The following UGP2 variants were observed in gnomAD, a reference collection of about 807,000 sequenced individuals.
The protein encoded by UGP2 is UDP-glucose pyrophosphorylase 2.
A neutral mutation model predicts 49.0 loss-of-function variants in UGP2; 40 were observed. That is an observed-to-expected ratio of 0.82 (90% CI 0.63 to 1.06). The LOEUF is 1.06. Ranked by LOEUF, UGP2 falls within the 50% of genes least tolerant of loss-of-function variation. UGP2 has a pLI of 0.00. For missense variants in UGP2, 460 were observed against 603.5 expected, an observed-to-expected ratio of 0.76 and a Z score of 2.49; for synonymous variants, 225 against 213.0, an observed-to-expected ratio of 1.06 and a Z score of -0.49.
intron 2 of UGP2, chr2:63,857,530 T>G: frequency 2.2e-6 from 1 of 455,450 alleles, no homozygotes; most frequent in Non-Finnish European, 4.4e-6. Flanking sequence ...ATCTGGCTAA[T>G]TTTTGTATTT....
intron 3 of UGP2, among the ~76,000 whole-genome samples, chr2:63,861,913 A>G (rs1669878728): frequency 6.6e-6 from 1 of 152,128 alleles, no homozygotes; most frequent in Admixed American, 6.5e-5. Flanking sequence ...TACAAAAAAC[A>G]TTAAAAGCTA....
chr2:63,852,347 C>CT (rs1669098766), intron 1 of UGP2, among the ~76,000 whole-genome samples: 1 of 152,196 alleles, frequency 6.6e-6, no homozygotes, highest in South Asian at 2.1e-4. Flanking sequence ...ACCCAGGAAT[C>CT]TGTGTTTTAA....
chr2:63,882,676 T>G, intron 4 of UGP2, 25 bp downstream of exon 4: 1 of 1,477,132 alleles, frequency 6.8e-7, no homozygotes, highest in Non-Finnish European at 9.1e-7. Flanking sequence ...GCCTTTCTCA[T>G]GAGATACTAA....
intron 1 of UGP2, among the ~76,000 whole-genome samples, chr2:63,848,450 G>A (rs1668820181): frequency 2.0e-5 from 3 of 152,084 alleles, no homozygotes; most frequent in South Asian, 2.1e-4. Flanking sequence ...CACAACCTCC[G>A]CCTCCCAGGT....
chr2:63,855,092 G>A (rs1277068142), intron 1 of UGP2, among the ~76,000 whole-genome samples: 1 of 152,182 alleles, frequency 6.6e-6, no homozygotes, highest in African/African-American at 2.4e-5. Context: ...TTCTCATTTA[G>A]ACAAATCTCA....
chr2:63,873,481 G>T (rs1260970649), intron 3 of UGP2, among the ~76,000 whole-genome samples: 1 of 152,002 alleles, frequency 6.6e-6, no homozygotes, highest in African/African-American at 2.4e-5. Context: ...CAAACATTTT[G>T]TTTTTTTGGG....
At position 63,856,879 on chromosome 2, in the gene UGP2, A is replaced by G. The variant is rs1172990738; in HGVS notation, c.147+446A>G. On this transcript the variant is annotated intron_variant, in intron 2 of 9. Coordinates refer to ENST00000337130, the MANE Select transcript of UGP2 (RefSeq NM_006759.4). ...CATTTACTTTTTTACTTGTAAATCA[A>G]TAGGTTAGTATTTTCATTTTTATAT... 3.6e-5 allele frequency: 16 copies of G among 445,260 alleles called. No individual in the cohort carries two copies. The East Asian group carries it at 7.7e-4, about 21-fold the overall frequency. 27.6% of individuals were successfully genotyped at this position (445,260 alleles called of 1,614,324 possible).
intron 3 of UGP2, among the ~76,000 whole-genome samples, chr2:63,875,641 C>T (rs535226080): frequency 6.6e-6 from 1 of 152,270 alleles, no homozygotes; most frequent in Admixed American, 6.5e-5. Context: ...CAGTAGATTG[C>T]CAATTAACTT....
At chr2:63,849,808 G>A (rs1448404967) in intron 1 of UGP2, among the ~76,000 whole-genome samples, 1 of 152,184 alleles carries the variant, frequency 6.6e-6, no homozygotes, top group African/African-American at 2.4e-5. Flanking sequence ...AGGCAAGTCA[G>A]CATCTCTGGG....
At position 63,886,352 on chromosome 2, in the gene UGP2, C is replaced by T. The variant is rs756006730; in HGVS notation, c.885C>T (p.Leu295=). The part of the protein sequence containing the change: ...KTRADVKGGT[L]TQYEGKLRLV... ...TTCTGCCTTTCTAGGGCGGGACACT[C>T]ACTCAATATGAAGGCAAACTGAGAC... is the stretch of plus-strand genomic sequence containing the variant. The change falls in exon 7 of 10, where the codon CTC becomes CTT. Residue 295 remains leucine (L), a synonymous_variant. Coordinates refer to ENST00000337130, the MANE Select transcript of UGP2 (RefSeq NM_006759.4). 14 of 1,614,126 alleles carry T rather than the reference C, an allele frequency of 8.7e-6. No individual in the cohort carries two copies. In the South Asian group the frequency reaches 1.4e-4, roughly 16 times the overall value.
chr2:63,875,648 A>G (rs1332488183), intron 3 of UGP2, among the ~76,000 whole-genome samples: 5 of 152,210 alleles, frequency 3.3e-5, no homozygotes, highest in Non-Finnish European at 7.3e-5. Flanking sequence ...TTGCCAATTA[A>G]CTTTCTTTCA....
In UGP2 at chr2:63,891,553, T is replaced by C. The variant is rs190960584; in HGVS notation, c.*326T>C. On this transcript the variant is annotated 3_prime_UTR_variant, in exon 10 of 10. Coordinates refer to ENST00000337130, the MANE Select transcript of UGP2 (RefSeq NM_006759.4). Reference sequence around the variant, plus strand: ...GCTTGTGATTTCAAAAATAAAGCAGTGAAGCAATACTTGTGTACACTGGTA... The same window carrying C: ...GCTTGTGATTTCAAAAATAAAGCAGCGAAGCAATACTTGTGTACACTGGTA... The C allele has an allele frequency of 2.1e-5, 4 of 190,194 alleles. No individual in the cohort carries two copies. The highest frequency in any genetic ancestry group is 1.2e-4 in the Admixed American group (2 of 16,852). 11.8% of individuals were successfully genotyped at this position (190,194 alleles called of 1,614,324 possible).
intron 8 of UGP2, chr2:63,889,642 TAAC>T (rs2104371712): frequency 6.5e-6 from 1 of 153,834 alleles, no homozygotes; most frequent in South Asian, 2.0e-4. Flanking sequence ...AAGATGGTGA[TAAC>T]ATAATAATTT....
intron 4 of UGP2, chr2:63,883,170 A>G (rs1047018383): frequency 1.3e-5 from 2 of 152,272 alleles, no homozygotes; most frequent in Admixed American, 6.5e-5. Context: ...TCCTAATGCA[A>G]GTTGTAGCAG....
chr2:63,856,982 G>A, intron 2 of UGP2: 1 of 373,468 alleles, frequency 2.7e-6, no homozygotes. Flanking sequence ...AATTTTCATT[G>A]AGAAGTAGAG....
chr2:63,881,656 G>A (rs147938921), intron 3 of UGP2, among the ~76,000 whole-genome samples: 1 of 152,222 alleles, frequency 6.6e-6, no homozygotes, highest in South Asian at 2.1e-4. Flanking sequence ...GGCCTCTGCT[G>A]TAAGTTGTGT....
intron 2 of UGP2, 44 bp from the exon 3 acceptor site, chr2:63,857,785 A>AT: frequency 6.6e-7 from 1 of 1,523,340 alleles, no homozygotes; most frequent in Non-Finnish European, 9.0e-7. Flanking sequence ...TTTATTAAAT[A>AT]TTAAGCATTC....
At chr2:63,858,320 C>T (rs1240287424) in intron 3 of UGP2, among the ~76,000 whole-genome samples, 1 of 152,162 alleles carries the variant, frequency 6.6e-6, no homozygotes. Flanking sequence ...GACCTTAAAG[C>T]TCTCTTCTTG....
chr2:63,887,146 T>G (rs1430807997), intron 7 of UGP2, among the ~76,000 whole-genome samples: 1 of 151,628 alleles, frequency 6.6e-6, no homozygotes, highest in Non-Finnish European at 1.5e-5. Context: ...TGCCTATAAT[T>G]CCAGCTACTC....
Sources: gnomAD v4.1 joint callset for allele counts (sites outside exome capture counted in the v4.1 genomes callset) on GRCh38, gnomAD v4.1.1 for gene constraint, MANE v1.5 for transcripts, NCBI Gene and HGNC (gene_info 2026-07-23, HGNC 2026-07-21) for gene names.